The following PRIM2 variants were observed in gnomAD, a reference collection of about 807,000 sequenced individuals.
PRIM2 encodes the protein DNA primase subunit 2, also known as DNA primase large subunit.
Under a neutral mutation model 67.3 loss-of-function variants are expected in PRIM2, and 39 were observed. The observed-to-expected ratio is 0.58, with a 90% CI of 0.45 to 0.76. The LOEUF (loss-of-function observed/expected upper bound fraction) is 0.76. Ranked by LOEUF, PRIM2 falls within the 30% of genes least tolerant of loss-of-function variation. PRIM2 has a pLI of 0.00. For synonymous variants in PRIM2, 143 were observed against 198.7 expected (o/e 0.72, Z 2.36); for missense variants, 398 against 598.7 (o/e 0.66, Z 3.50).
rs200266322 is a variant in PRIM2 at position 57,420,502 on chromosome 6, C to CA, written c.693+38343dup. Among the ~76,000 whole-genome samples, 653 of 150,490 alleles carry CA rather than the reference C, an allele frequency of 4.3e-3. 14 individuals carry two copies. Among genetic ancestry groups the CA allele is most frequent in the African/African-American group, 0.015 (598 of 41,024 alleles). On this transcript the variant is annotated intron_variant, in intron 7 of 13. Transcript: ENST00000615550. ...TGGGTGACAGAGGGAGACTCCATCT[C>CA]AAAAAAAAAGAATAATATTTCATCT...
intron 10 of PRIM2, among the ~76,000 whole-genome samples, chr6:57,554,776 A>C (rs1455297210): frequency 1.3e-5 from 2 of 152,226 alleles, no homozygotes; most frequent in Non-Finnish European, 1.5e-5. Flanking sequence ...ATGCTACTTC[A>C]TGGTTTTTTC....
At chr6:57,298,526 C>A in the PRIM2 span, among the ~76,000 whole-genome samples, 1 of 151,848 alleles carries the variant, frequency 6.6e-6, no homozygotes. Flanking sequence ...GGGGGATGGC[C>A]CTGGGAAGCA....
At chr6:57,368,375 TA>T (rs1769438442) in intron 5 of PRIM2, among the ~76,000 whole-genome samples, 1 of 152,210 alleles carries the variant, frequency 6.6e-6, no homozygotes, top group African/African-American at 2.4e-5. Flanking sequence ...GCAAGTAATG[TA>T]CATACTTACT....
At chr6:57,558,166 G>A (rs1775552995) in intron 10 of PRIM2, among the ~76,000 whole-genome samples, 1 of 152,126 alleles carries the variant, frequency 6.6e-6, no homozygotes, top group Admixed American at 6.6e-5. Context: ...TGATGGGATT[G>A]ATATGAAGGT....
chr6:57,454,332 C>G (rs1367579168), intron 7 of PRIM2, among the ~76,000 whole-genome samples: 43 of 152,242 alleles, frequency 2.8e-4, no homozygotes, highest in African/African-American at 9.4e-4. Context: ...CCCTCTTTTT[C>G]TATTGATTGG....
chr6:57,489,223 T>C (rs1773821498), intron 7 of PRIM2, among the ~76,000 whole-genome samples: 1 of 152,278 alleles, frequency 6.6e-6, no homozygotes, highest in Non-Finnish European at 1.5e-5. Context: ...ATTTGAGATT[T>C]GTTTGCATTT....
chr6:57,447,264 A>T (rs1012730), intron 7 of PRIM2, among the ~76,000 whole-genome samples: 71,112 of 152,090 alleles, frequency 0.47, 18,277 homozygotes, highest in South Asian at 0.62. Flanking sequence ...ATTTATGGAG[A>T]TATTGGTTCT....
chr6:57,265,278 G>C, the PRIM2 span, among the ~76,000 whole-genome samples: 40 of 152,198 alleles, frequency 2.6e-4, no homozygotes, highest in Non-Finnish European at 1.5e-4. Context: ...CAGGTTGTCT[G>C]TGTTAGCCTC....
chr6:57,366,303 A>G (rs1275053328), intron 5 of PRIM2, among the ~76,000 whole-genome samples: 1 of 152,220 alleles, frequency 6.6e-6, no homozygotes, highest in Non-Finnish European at 1.5e-5. Context: ...ATAGGTTGGT[A>G]TAATTGGAGG....
Position 57,436,088 on chromosome 6 carries a change from TTC to T in PRIM2, c.693+53922_693+53923del, listed in dbSNP as rs1394701111. 1.2e-4 allele frequency among the ~76,000 whole-genome samples: 18 copies of T among 152,338 alleles called. 1 individual carries two copies. Among genetic ancestry groups the T allele is most frequent in the Non-Finnish European group, 1.8e-4 (12 of 68,028 alleles). On this transcript the variant is annotated intron_variant, in intron 7 of 13. Coordinates refer to ENST00000615550, the MANE Select transcript of PRIM2 (RefSeq NM_000947.5). Reference sequence around the variant, plus strand: ...TTTCTTCTCCCATCTCCTCTTTTTGTTCTGTTACCGTCTTCTCTTTTCCTGTT... The same window carrying T: ...TTTCTTCTCCCATCTCCTCTTTTTGTTGTTACCGTCTTCTCTTTTCCTGTT...
the PRIM2 span, among the ~76,000 whole-genome samples, chr6:57,296,463 G>A: frequency 1.3e-5 from 2 of 152,208 alleles, no homozygotes; most frequent in African/African-American, 4.8e-5. Flanking sequence ...AAAAGGAAAG[G>A]GAGAAGGGTA....
intron 13 of PRIM2, among the ~76,000 whole-genome samples, chr6:57,642,364 A>G (rs1777253999): frequency 6.6e-6 from 1 of 151,634 alleles, no homozygotes; most frequent in Non-Finnish European, 1.5e-5. Flanking sequence ...CCAGAACTTT[A>G]AGTATAATTT....
chr6:57,486,956 T>G (rs1210365022), intron 7 of PRIM2, among the ~76,000 whole-genome samples: 1 of 152,192 alleles, frequency 6.6e-6, no homozygotes, highest in Non-Finnish European at 1.5e-5. Flanking sequence ...TTTTTCATAT[T>G]CAGAAAATAA....
chr6:57,313,200 C>G (rs1381968899), upstream of PRIM2, among the ~76,000 whole-genome samples: 1 of 152,202 alleles, frequency 6.6e-6, no homozygotes, highest in Admixed American at 6.5e-5. Context: ...CTTAGCCAGC[C>G]TTTCCTGGCT....
intron 6 of PRIM2, among the ~76,000 whole-genome samples, chr6:57,380,878 C>T (rs77060535): frequency 0.061 from 8,030 of 131,418 alleles, 171 homozygotes; most frequent in African/African-American, 0.098. Flanking sequence ...TCATGAAATA[C>T]TATGGCTAAA....
At chr6:57,340,786 G>A (rs2127293546) in intron 5 of PRIM2, among the ~76,000 whole-genome samples, 1 of 152,176 alleles carries the variant, frequency 6.6e-6, no homozygotes, top group African/African-American at 2.4e-5. Context: ...CAGCACACCA[G>A]CATGGCACAT....
At chr6:57,604,342 T>C (rs1345002542) in intron 11 of PRIM2, among the ~76,000 whole-genome samples, 5 of 152,192 alleles carry the variant, frequency 3.3e-5, no homozygotes, top group Admixed American at 3.3e-4. Flanking sequence ...GCTGAAGTCA[T>C]TGATTAATTC....
chr6:57,379,283 A>G (rs1343309830), intron 5 of PRIM2, among the ~76,000 whole-genome samples: 1 of 130,014 alleles, frequency 7.7e-6, no homozygotes, highest in Non-Finnish European at 1.6e-5. Context: ...CACACATCAG[A>G]TGATGTAAAT....
chr6:57,299,690 A>G, the PRIM2 span, among the ~76,000 whole-genome samples: 2 of 152,244 alleles, frequency 1.3e-5, no homozygotes, highest in African/African-American at 2.4e-5. Flanking sequence ...TATAGGAGAC[A>G]GATGAGCCAG....
Sources: allele counts gnomAD v4.1 joint callset (sites outside exome capture counted in the v4.1 genomes callset), GRCh38; gene constraint gnomAD v4.1.1; transcripts MANE v1.5; gene names NCBI Gene and HGNC (gene_info 2026-07-23, HGNC 2026-07-21).